The following FBRSL1 variants were observed in gnomAD, a reference collection of about 807,000 sequenced individuals.
FBRSL1 encodes the protein fibrosin like 1.
In FBRSL1, 51 loss-of-function variants were observed where a neutral mutation model predicts 89.6. The ratio of observed to expected loss-of-function variants is 0.57; its 90% confidence interval spans 0.45 to 0.72. FBRSL1 has a LOEUF of 0.72. Ranked by LOEUF, FBRSL1 falls within the 30% of genes least tolerant of loss-of-function variation. The probability of loss-of-function intolerance (pLI) is 0.00; values close to 1 mark genes in which losing one functional copy is unlikely to be tolerated. For synonymous variants in FBRSL1, 779 were observed against 681.1 expected, an observed-to-expected ratio of 1.14 and a Z score of -2.24; for missense variants, 1,618 against 1,451.8, an observed-to-expected ratio of 1.11 and a Z score of -1.86.
At chr12:132,522,809 GT>G (rs1342826006) in intron 2 of FBRSL1, among the ~76,000 whole-genome samples, 3 of 152,244 alleles carry the variant, frequency 2.0e-5, no homozygotes, top group Non-Finnish European at 2.9e-5. Flanking sequence ...CGTTGGTGCC[GT>G]CAGTGAGCTG....
At chr12:132,581,339 G>A in intron 15 of FBRSL1, 100 bp from the exon 16 acceptor site, 1 of 1,545,294 alleles carries the variant, frequency 6.5e-7, no homozygotes, top group Non-Finnish European at 8.7e-7. Flanking sequence ...GGAGGTGAAG[G>A]TTCACAGAGG....
At chr12:132,527,683 G>T (rs1416840927) in intron 3 of FBRSL1, among the ~76,000 whole-genome samples, 1 of 147,698 alleles carries the variant, frequency 6.8e-6, no homozygotes, top group Admixed American at 6.7e-5. Context: ...GGGCTGTGGG[G>T]CAGGGTTGTG....
At chr12:132,498,146 G>A (rs1354469688) in intron 1 of FBRSL1, among the ~76,000 whole-genome samples, 2 of 152,146 alleles carry the variant, frequency 1.3e-5, no homozygotes, top group African/African-American at 4.8e-5. Context: ...TGGCTGGCAG[G>A]GAAAGCCGGC....
At chr12:132,557,496 G>A (rs566359943) in intron 5 of FBRSL1, among the ~76,000 whole-genome samples, 27 of 152,318 alleles carry the variant, frequency 1.8e-4, no homozygotes, top group Admixed American at 6.5e-4. Flanking sequence ...GGCGGGGCTC[G>A]GGGCTCGGGG....
In FBRSL1 at chr12:132,516,948, A is replaced by G. The variant is rs1555268762; in HGVS notation, c.489+8598A>G. On this transcript the variant is annotated intron_variant, in intron 2 of 18. Transcript: ENST00000680143. ...AACATGCAAGGTTTGTACTGTCTAC[A>G]TAGCTGCCATGATGATATCGATTCC... 3.3e-5 allele frequency among the ~76,000 whole-genome samples: 5 copies of G among 152,254 alleles called. No homozygotes were observed. In the South Asian group the frequency reaches 1.0e-3, roughly 32 times the overall value.
At chr12:132,493,861 ATGG>A (rs1424740975) in intron 1 of FBRSL1, among the ~76,000 whole-genome samples, 1 of 152,068 alleles carries the variant, frequency 6.6e-6, no homozygotes, top group South Asian at 2.1e-4. Flanking sequence ...CACTCCCTAA[ATGG>A]TGGTGGTGGT....
intron 1 of FBRSL1, among the ~76,000 whole-genome samples, chr12:132,495,175 G>A (rs75312918): frequency 0.1 from 15,337 of 152,322 alleles, 960 homozygotes; most frequent in Non-Finnish European, 0.14. Context: ...CTGCATCCTG[G>A]AGGCTGAGCC....
At chr12:132,555,560 C>T (rs1260196220) in intron 5 of FBRSL1, among the ~76,000 whole-genome samples, 6 of 152,130 alleles carry the variant, frequency 3.9e-5, no homozygotes, top group South Asian at 2.1e-4. Context: ...CCGCCTCACC[C>T]GAGCGTGAGC....
At chr12:132,541,012 AT>A (rs1168265233) in intron 4 of FBRSL1, among the ~76,000 whole-genome samples, 1 of 152,048 alleles carries the variant, frequency 6.6e-6, no homozygotes, top group Non-Finnish European at 1.5e-5. Flanking sequence ...TCAGGTGCAA[AT>A]CCACTGTGAG....
intron 18 of FBRSL1, 45 bp from the exon 19 acceptor site, chr12:132,582,926 A>G: frequency 1.5e-6 from 2 of 1,334,636 alleles, no homozygotes; most frequent in Admixed American, 3.9e-5. Flanking sequence ...GCCGCGCGGC[A>G]GGACGGAGGT....
At position 132,581,511 on chromosome 12, in the gene FBRSL1, T is replaced by G. The variant is rs11146955; in HGVS notation, c.1907T>G (p.Leu636Arg). The G allele has an allele frequency of 6.4e-7, 1 of 1,550,934 alleles. No individual in the cohort carries two copies. ...HPGSFLPTGP[L>R]TDPFSRPSTF... ...GGCAGCTTCCTGCCCACTGGCCCCCTGACAGGTGGGTGTCTCTGAATTCAG... is the reference window on the plus strand; with the variant it reads ...GGCAGCTTCCTGCCCACTGGCCCCCGGACAGGTGGGTGTCTCTGAATTCAG... The change falls in exon 16 of 19, where the codon CTG becomes CGG. Residue 636 changes from leucine (L) to arginine (R), a missense_variant. Coordinates refer to ENST00000680143, the MANE Select transcript of FBRSL1 (RefSeq NM_001367871.1).
At chr12:132,571,497 C>T (rs1019604722) in intron 9 of FBRSL1, 1 of 1,526,524 alleles carries the variant, frequency 6.6e-7, no homozygotes, top group African/African-American at 1.4e-5. Flanking sequence ...CAGGGCTGCC[C>T]CCGACGCCGC....
At chr12:132,535,950 G>A (rs1278120425) in intron 4 of FBRSL1, among the ~76,000 whole-genome samples, 2 of 150,938 alleles carry the variant, frequency 1.3e-5, no homozygotes, top group African/African-American at 4.9e-5. Context: ...TGTCCATGAT[G>A]GTGTGTGAGC....
rs762458041 is a variant in FBRSL1 at position 132,537,254 on chromosome 12, G to A, written c.615+9266G>A. On this transcript the variant is annotated intron_variant, in intron 4 of 18. Transcript: ENST00000680143. ...TACTTAACAGGAAGAGGTGGCACTC[G>A]GGTGTAGAATGGAAAGCTGTTCAGA... Among the ~76,000 whole-genome samples the A allele has an allele frequency of 3.4e-4, 51 of 152,202 alleles. 1 individual carries two copies. Among genetic ancestry groups the A allele is most frequent in the Non-Finnish European group, 5.9e-4 (40 of 68,030 alleles).
intron 4 of FBRSL1, among the ~76,000 whole-genome samples, chr12:132,543,253 C>T (rs1482296113): frequency 6.6e-6 from 1 of 152,270 alleles, no homozygotes; most frequent in Non-Finnish European, 1.5e-5. Context: ...GAAGGTGCCA[C>T]TGTCTCTGCA....
At chr12:132,531,585 C>A (rs1288989608) in intron 4 of FBRSL1, among the ~76,000 whole-genome samples, 2 of 151,818 alleles carry the variant, frequency 1.3e-5, no homozygotes, top group African/African-American at 4.8e-5. Flanking sequence ...GTGTGTGTGA[C>A]CTGTGTTTGT....
intron 15 of FBRSL1, 120 bp downstream of exon 15, chr12:132,577,051 C>T: frequency 7.5e-7 from 1 of 1,337,880 alleles, no homozygotes; most frequent in Non-Finnish European, 1.0e-6. Context: ...GCCTTTGCTT[C>T]TTGATGCTCA....
chr12:132,572,760 G>A (rs1271343646), intron 11 of FBRSL1, 138 bp downstream of exon 11: 2 of 679,362 alleles, frequency 2.9e-6, no homozygotes, highest in South Asian at 1.8e-5. Context: ...CTGGGTGCTG[G>A]CGTGAGCAGC....
At chr12:132,576,087 TA>T (rs2138022779) in intron 14 of FBRSL1, among the ~76,000 whole-genome samples, 1 of 152,356 alleles carries the variant, frequency 6.6e-6, no homozygotes, top group African/African-American at 2.4e-5. Flanking sequence ...TGTAGTTTCA[TA>T]TAATTTTTAA....
Sources: gnomAD v4.1 joint callset for allele counts (sites outside exome capture counted in the v4.1 genomes callset) on GRCh38, gnomAD v4.1.1 for gene constraint, MANE v1.5 for transcripts, NCBI Gene and HGNC (gene_info 2026-07-23, HGNC 2026-07-21) for gene names.